Variants in AKAP19 observed in about 807,000 individuals in gnomAD.
The protein encoded by AKAP19 is A-kinase anchoring protein 19.
chr2:189,987,937 T>C, the AKAP19 span, among the ~76,000 whole-genome samples: 1 of 151,898 alleles, frequency 6.6e-6, no homozygotes, highest in East Asian at 1.9e-4. Context: ...AGATTTTTAT[T>C]ATTACTCAAT....
chr2:189,905,146 A>C, the AKAP19 span, among the ~76,000 whole-genome samples: 1 of 151,982 alleles, frequency 6.6e-6, no homozygotes, highest in African/African-American at 2.4e-5. Context: ...AGACATGTGT[A>C]ATACAATTAT....
the AKAP19 span, among the ~76,000 whole-genome samples, chr2:190,008,768 A>ACC: frequency 1.8e-5 from 1 of 56,654 alleles, no homozygotes; most frequent in African/African-American, 3.9e-5. Context: ...ACACACACAC[A>ACC]CACCCACCTG....
the AKAP19 span, among the ~76,000 whole-genome samples, chr2:189,969,393 G>A: frequency 9.9e-5 from 15 of 152,220 alleles, no homozygotes; most frequent in African/African-American, 2.9e-4. Context: ...AATGTTTGTT[G>A]TTTGTGAACT....
the AKAP19 span, among the ~76,000 whole-genome samples, chr2:190,000,095 C>T: frequency 6.6e-6 from 1 of 152,162 alleles, no homozygotes; most frequent in East Asian, 1.9e-4. Context: ...TATCTTGGGC[C>T]ATCCCTTTTG....
the AKAP19 span, among the ~76,000 whole-genome samples, chr2:190,074,842 A>G: frequency 6.6e-6 from 1 of 152,190 alleles, no homozygotes; most frequent in Non-Finnish European, 1.5e-5. Context: ...AGCAGGGACA[A>G]TTTTATATTT....
chr2:190,037,586 C>T, the AKAP19 span, among the ~76,000 whole-genome samples: 2 of 152,238 alleles, frequency 1.3e-5, no homozygotes, highest in East Asian at 3.9e-4. Flanking sequence ...CAGTAATAAG[C>T]GAGGTAAGAA....
At chr2:190,179,407 C>G in the AKAP19 span, among the ~76,000 whole-genome samples, 5 of 145,692 alleles carry the variant, frequency 3.4e-5, no homozygotes, top group African/African-American at 1.3e-4. This position sits in a 1 kb window ranked among gnomAD's most constrained non-coding sequence, Gnocchi z 6.0. Context: ...GACTCCATCT[C>G]AAAAAAAAGA....
the AKAP19 span, among the ~76,000 whole-genome samples, chr2:189,997,327 G>C: frequency 6.6e-6 from 1 of 152,180 alleles, no homozygotes; most frequent in Non-Finnish European, 1.5e-5. Context: ...TCAGGTGATG[G>C]ATGGGGCCGT....
chr2:190,128,456 G>C, the AKAP19 span, among the ~76,000 whole-genome samples: 2 of 152,176 alleles, frequency 1.3e-5, no homozygotes, highest in Admixed American at 1.3e-4. Flanking sequence ...TCTTGACACA[G>C]GGCAAGTGCT....
the AKAP19 span, among the ~76,000 whole-genome samples, chr2:189,955,526 T>C: frequency 2.6e-5 from 4 of 152,222 alleles, no homozygotes; most frequent in African/African-American, 9.6e-5. Flanking sequence ...TTTTAGTTCT[T>C]TGAGAAATCT....
chr2:190,141,941 G>C, the AKAP19 span, among the ~76,000 whole-genome samples: 6,031 of 152,290 alleles, frequency 0.04, 158 homozygotes, highest in Non-Finnish European at 0.06. Flanking sequence ...GGGATTAGCA[G>C]GTGATTGGCG....
At chr2:190,047,863 TC>T in the AKAP19 span, among the ~76,000 whole-genome samples, 1 of 152,186 alleles carries the variant, frequency 6.6e-6, no homozygotes, top group Non-Finnish European at 1.5e-5. Context: ...GTAAATTTTT[TC>T]CTCTGCAGTC....
the AKAP19 span, among the ~76,000 whole-genome samples, chr2:190,188,087 CAGAGGG>C: frequency 7.9e-5 from 12 of 152,172 alleles, no homozygotes; most frequent in South Asian, 2.3e-3. Context: ...GGGTAGGAGA[CAGAGGG>C]AGAGGGAGTG....
chr2:189,933,431 C>T, the AKAP19 span, among the ~76,000 whole-genome samples: 2 of 152,082 alleles, frequency 1.3e-5, no homozygotes, highest in African/African-American at 4.8e-5. Context: ...CTTTTATTTT[C>T]AATTCTTTTA....
the AKAP19 span, among the ~76,000 whole-genome samples, chr2:190,186,881 C>G: frequency 6.6e-6 from 1 of 152,052 alleles, no homozygotes; most frequent in East Asian, 1.9e-4. The surrounding 1 kb of genome is among the most constrained non-coding windows in gnomAD (Gnocchi z 5.5). Context: ...ACTCTATCGC[C>G]CAGGCTGGAG....
At chr2:190,160,005 C>G in the AKAP19 span, among the ~76,000 whole-genome samples, 1 of 152,140 alleles carries the variant, frequency 6.6e-6, no homozygotes, top group African/African-American at 2.4e-5. Flanking sequence ...TTTAGTATTT[C>G]AGTGTAGAGT....
At chr2:189,882,910 G>C in the AKAP19 span, among the ~76,000 whole-genome samples, 39 of 151,906 alleles carry the variant, frequency 2.6e-4, no homozygotes, top group African/African-American at 8.7e-4. Flanking sequence ...TGCTTATTTT[G>C]GGGATCCCAA....
chr2:190,017,661 C>T, the AKAP19 span, among the ~76,000 whole-genome samples: 1 of 152,080 alleles, frequency 6.6e-6, no homozygotes, highest in African/African-American at 2.4e-5. Context: ...GTCGTTTAAC[C>T]ATCATACTAG....
At chr2:190,077,440 TTAAAATG>T in the AKAP19 span, among the ~76,000 whole-genome samples, 2 of 145,758 alleles carry the variant, frequency 1.4e-5, no homozygotes, top group African/African-American at 5.6e-5. Flanking sequence ...TGTTAAACAT[TTAAAATG>T]TTAACATGTT....
Sources: allele counts gnomAD v4.1 joint callset (sites outside exome capture counted in the v4.1 genomes callset), GRCh38; gene constraint gnomAD v4.1.1; non-coding constraint Gnocchi (gnomAD v3.1); transcripts MANE v1.5; gene names NCBI Gene and HGNC (gene_info 2026-07-23, HGNC 2026-07-21).